ADK: variants seen among roughly 807,000 people sequenced by gnomAD.
ADK encodes N6,N6-dimethyladenosine kinase.
Under a neutral mutation model 44.7 loss-of-function variants are expected in ADK, and 24 were observed. That is an observed-to-expected ratio of 0.54 (90% CI 0.39 to 0.76). ADK has a LOEUF of 0.76. Among genes scored for constraint, ADK ranks in the 30% least tolerant of loss-of-function variants. The pLI is 0.00. For missense variants in ADK, 321 were observed against 425.1 expected, an observed-to-expected ratio of 0.76 and a Z score of 2.15; for synonymous variants, 128 against 142.6, an observed-to-expected ratio of 0.90 and a Z score of 0.73.
chr10:74,523,941 C>T (rs568586375), intron 6 of ADK, among the ~76,000 whole-genome samples: 29 of 152,238 alleles, frequency 1.9e-4, no homozygotes, highest in Admixed American at 1.2e-3. Context: ...CTTCCTTTCA[C>T]GGAAATATTC....
chr10:74,582,463 C>T (rs1564804316), intron 7 of ADK, among the ~76,000 whole-genome samples: 1 of 152,082 alleles, frequency 6.6e-6, no homozygotes, highest in Non-Finnish European at 1.5e-5. Flanking sequence ...GCTTGTCTGT[C>T]TTACGTTTTG....
chr10:74,166,424 A>G (rs959423129), intron 1 of ADK, among the ~76,000 whole-genome samples: 1 of 152,126 alleles, frequency 6.6e-6, no homozygotes, highest in African/African-American at 2.4e-5. Flanking sequence ...GGCTCAAGCC[A>G]TCCTCCCACC....
At chr10:74,463,292 T>C (rs1368004084) in intron 6 of ADK, among the ~76,000 whole-genome samples, 2 of 152,118 alleles carry the variant, frequency 1.3e-5, no homozygotes, top group Non-Finnish European at 2.9e-5. Flanking sequence ...CAGTATAATA[T>C]ATAATGAAAT....
chr10:74,312,965 T>A (rs1254612385), intron 3 of ADK, among the ~76,000 whole-genome samples: 1 of 144,202 alleles, frequency 6.9e-6, no homozygotes, highest in African/African-American at 2.5e-5. Context: ...CTTACCATTA[T>A]AAGTCTAAAT....
At chr10:74,412,406 G>A (rs7901569) in intron 6 of ADK, among the ~76,000 whole-genome samples, 97,371 of 151,940 alleles carry the variant, frequency 0.64, 32,608 homozygotes, top group Middle Eastern at 0.8. Context: ...CTCCCAAAGC[G>A]CTGGGATTGC....
At chr10:74,431,066 C>CAAAAA (rs35141788) in intron 6 of ADK, among the ~76,000 whole-genome samples, 10 of 57,234 alleles carry the variant, frequency 1.7e-4, no homozygotes, top group Non-Finnish European at 2.7e-4. Flanking sequence ...GACTCCGTCT[C>CAAAAA]AAAAAAAAAA....
At chr10:74,472,828 C>T (rs1406163769) in intron 6 of ADK, among the ~76,000 whole-genome samples, 1 of 152,080 alleles carries the variant, frequency 6.6e-6, no homozygotes, top group Non-Finnish European at 1.5e-5. Flanking sequence ...TTTTTCCATA[C>T]TCTATTTTGT....
At chr10:74,246,396 T>C (rs779207282) in intron 3 of ADK, among the ~76,000 whole-genome samples, 1 of 152,220 alleles carries the variant, frequency 6.6e-6, no homozygotes, top group Non-Finnish European at 1.5e-5. Flanking sequence ...CTTCATTCCA[T>C]AAAGTAGAGT....
intron 1 of ADK, among the ~76,000 whole-genome samples, chr10:74,188,681 GCT>G (rs1027573588): frequency 7.2e-5 from 11 of 151,910 alleles, no homozygotes; most frequent in Non-Finnish European, 1.3e-4. Context: ...GATTTGATTT[GCT>G]CTCTTTTTTC....
intron 3 of ADK, among the ~76,000 whole-genome samples, chr10:74,241,601 G>A (rs1304159632): frequency 6.6e-6 from 1 of 152,178 alleles, no homozygotes; most frequent in Admixed American, 6.5e-5. Flanking sequence ...GGTCAGGCTG[G>A]TTTCAAACTC....
At chr10:74,695,470 A>ATG (rs1170812161) in intron 10 of ADK, among the ~76,000 whole-genome samples, 1 of 139,278 alleles carries the variant, frequency 7.2e-6, no homozygotes, top group African/African-American at 2.9e-5. Flanking sequence ...TTGTATATAT[A>ATG]TATGTGTGTG....
chr10:74,485,028 A>G (rs1431677789), intron 6 of ADK, among the ~76,000 whole-genome samples: 1 of 152,196 alleles, frequency 6.6e-6, no homozygotes, highest in Admixed American at 6.5e-5. Context: ...GCAAAGACTA[A>G]TAAGTTGTAC....
intron 4 of ADK, among the ~76,000 whole-genome samples, chr10:74,361,034 A>T (rs1344000802): frequency 2.0e-5 from 3 of 152,088 alleles, no homozygotes; most frequent in Non-Finnish European, 2.9e-5. Flanking sequence ...CAGCCTCCCA[A>T]GTAGCTGGGA....
chr10:74,656,915 G>A (rs571805272), intron 9 of ADK, among the ~76,000 whole-genome samples: 6 of 152,152 alleles, frequency 3.9e-5, no homozygotes, highest in Non-Finnish European at 7.4e-5. Context: ...GCTGGGGTGC[G>A]GTGGCACAAT....
intron 1 of ADK, among the ~76,000 whole-genome samples, chr10:74,171,439 G>A (rs1306004270): frequency 6.6e-6 from 1 of 152,200 alleles, no homozygotes; most frequent in African/African-American, 2.4e-5. Flanking sequence ...AGCATTTGTT[G>A]AAGAGATTAG....
Position 74,659,997 on chromosome 10 carries a change from A to G in ADK, c.878-10186A>G, listed in dbSNP as rs1854638740. Among the ~76,000 whole-genome samples, 3 of 152,222 alleles carry G rather than the reference A, an allele frequency of 2.0e-5. 1 individual carries two copies. The South Asian group carries it at 6.2e-4, about 32-fold the overall frequency. On this transcript the variant is annotated intron_variant, in intron 9 of 10. Transcript: ENST00000539909. ...CCATCACAAGTTTCATTTCAAGATTAATAATATCCTTGTCCATTTAATCAT... is the reference window on the plus strand; with the variant it reads ...CCATCACAAGTTTCATTTCAAGATTGATAATATCCTTGTCCATTTAATCAT...
intron 7 of ADK, among the ~76,000 whole-genome samples, chr10:74,575,995 A>G (rs1034163413): frequency 6.6e-6 from 1 of 152,184 alleles, no homozygotes; most frequent in African/African-American, 2.4e-5. Flanking sequence ...GAAGAAAGAG[A>G]AAGTGTCAAA....
At chr10:74,501,870 T>G (rs2133451805) in intron 6 of ADK, among the ~76,000 whole-genome samples, 1 of 152,210 alleles carries the variant, frequency 6.6e-6, no homozygotes, top group East Asian at 1.9e-4. Flanking sequence ...GGGGAATAAC[T>G]TTTTAATGGG....
At chr10:74,340,375 A>G (rs1264546431) in intron 4 of ADK, among the ~76,000 whole-genome samples, 2 of 152,112 alleles carry the variant, frequency 1.3e-5, no homozygotes, top group African/African-American at 4.8e-5. Context: ...TAGTATGACA[A>G]TCTTCATTTA....
Sources: gnomAD v4.1 joint callset for allele counts (sites outside exome capture counted in the v4.1 genomes callset) on GRCh38, gnomAD v4.1.1 for gene constraint, MANE v1.5 for transcripts, NCBI Gene and HGNC (gene_info 2026-07-23, HGNC 2026-07-21) for gene names.